Variants in FREM3 observed in about 807,000 individuals in gnomAD.
The protein encoded by FREM3 is FRAS1-related extracellular matrix protein 3.
FREM3 carries 105 observed loss-of-function variants against 129.1 expected under a neutral mutation model. That is an observed-to-expected ratio of 0.81 (90% confidence interval 0.69 to 0.96). FREM3 has a LOEUF of 0.96. Among genes scored for constraint, FREM3 ranks in the 40% least tolerant of loss-of-function variants. The probability of loss-of-function intolerance (pLI) is 0.00; values close to 1 mark genes in which losing one functional copy is unlikely to be tolerated. For synonymous variants in FREM3, 1,014 were observed against 1,044.9 expected, an observed-to-expected ratio of 0.97 and a Z score of 0.57; for missense variants, 2,593 against 2,666.3, an observed-to-expected ratio of 0.97 and a Z score of 0.61.
chr4:143,605,955 T>C (rs1738661420), intron 6 of FREM3, among the ~76,000 whole-genome samples: 1 of 152,200 alleles, frequency 6.6e-6, no homozygotes, highest in Admixed American at 6.5e-5. Flanking sequence ...CTTTTTTCCC[T>C]TGTGGCCATT....
intron 6 of FREM3, among the ~76,000 whole-genome samples, chr4:143,598,602 G>A (rs1738522097): frequency 6.6e-6 from 1 of 152,038 alleles, no homozygotes; most frequent in Admixed American, 6.5e-5. Flanking sequence ...CCAGTTGTAT[G>A]TCACTGTGCT....
intron 2 of FREM3, among the ~76,000 whole-genome samples, chr4:143,664,568 G>A (rs1004039234): frequency 4.6e-5 from 7 of 152,138 alleles, no homozygotes; most frequent in Non-Finnish European, 8.8e-5. Context: ...CAGTCTGCCC[G>A]TTCTCAGATC....
At chr4:143,640,668 C>T (rs946182723) in intron 2 of FREM3, among the ~76,000 whole-genome samples, 1 of 152,124 alleles carries the variant, frequency 6.6e-6, no homozygotes, top group Non-Finnish European at 1.5e-5. Flanking sequence ...AAAACTTCAT[C>T]TCAAAAGAAA....
chr4:143,585,710 T>C lies in FREM3; in HGVS notation c.6178+134A>G. On this transcript the variant is annotated intron_variant, in intron 7 of 7. Coordinates refer to ENST00000329798, the MANE Select transcript of FREM3 (RefSeq NM_001168235.2). The surrounding 1 kb of genome is among the most constrained non-coding windows in gnomAD (Gnocchi z 4.2). ...CAGAAGTCATTATGTATACAAACCA[T>C]CTACGTGCTGAAGCCAGAGAAACTT... The C allele has an allele frequency of 1.2e-6, 1 of 824,886 alleles. No individual in the cohort carries two copies. The highest frequency in any genetic ancestry group is 2.7e-5 in the East Asian group (1 of 36,934). 51.1% of individuals were successfully genotyped at this position (824,886 alleles called of 1,614,324 possible). A position where few individuals can be genotyped will look rare whatever the true frequency, so the allele number is the denominator to read the frequency against.
intron 2 of FREM3, among the ~76,000 whole-genome samples, chr4:143,661,197 T>A (rs1195541665): frequency 6.6e-6 from 1 of 152,198 alleles, no homozygotes; most frequent in African/African-American, 2.4e-5. Context: ...TTTTGCCCAT[T>A]CAGTATGATA....
At chr4:143,673,563 T>C (rs1740044658) in intron 2 of FREM3, among the ~76,000 whole-genome samples, 1 of 152,236 alleles carries the variant, frequency 6.6e-6, no homozygotes, top group Non-Finnish European at 1.5e-5. Flanking sequence ...GGAGGCAGTC[T>C]GTCCGTTCTC....
rs546266995 is a variant in FREM3 at position 143,660,559 on chromosome 4, C to T, written c.5275+32554G>A. ...TTCTTTTGGCTTAGGATTGACTTGG[C>T]GATGCGGGCTCTTTTTTGGTTCCAT... On this transcript the variant is annotated intron_variant, in intron 2 of 7. Coordinates refer to ENST00000329798, the MANE Select transcript of FREM3 (RefSeq NM_001168235.2). Among the ~76,000 whole-genome samples, 29 of 152,224 alleles carry T rather than the reference C, an allele frequency of 1.9e-4. No individual in the cohort carries two copies. In the East Asian group the frequency reaches 3.9e-3, roughly 20 times the overall value.
rs1740488132 is a variant in FREM3 at position 143,692,359 on chromosome 4, C to T, written c.5275+754G>A. 2.0e-5 allele frequency among the ~76,000 whole-genome samples: 3 copies of T among 152,128 alleles called. No homozygotes were observed. The South Asian group carries it at 6.2e-4, about 31-fold the overall frequency. The stretch of plus-strand genomic sequence containing the variant: ...TAAATTCAGTTCCTGACTGATTACA[C>T]ATGATTTAGGCAGAAAATGCAGGTT... On this transcript the variant is annotated intron_variant, in intron 2 of 7. Transcript: ENST00000329798.
chr4:143,688,690 G>A (rs1329946404), intron 2 of FREM3, among the ~76,000 whole-genome samples: 1 of 152,242 alleles, frequency 6.6e-6, no homozygotes, highest in South Asian at 2.1e-4. Flanking sequence ...TAGACCAATG[G>A]AACAGAACAG....
At chr4:143,614,045 T>C (rs920631043) in intron 5 of FREM3, among the ~76,000 whole-genome samples, 1 of 152,196 alleles carries the variant, frequency 6.6e-6, no homozygotes, top group African/African-American at 2.4e-5. Flanking sequence ...TTCAAGTAGG[T>C]TGATTTCTGG....
At position 143,699,535 on chromosome 4, in the gene FREM3, C is replaced by A; in HGVS notation, c.1141G>T (p.Glu381Ter). 6.5e-7 allele frequency: 1 copy of A among 1,537,192 alleles called. No homozygotes were observed. ...TAGGCAATCTTCAGCTCCCTCAGCT[C>A]CTGCTGGGTGAAGAAGGAGACTGGA... ...GLPVSFFTQQ[E>*]LRELKIAYQP... The change falls in exon 1 of 8, where the codon GAG (glutamate) becomes TAG (stop). Residue 381 changes from glutamate to a stop codon, truncating the protein, a stop_gained. Transcript: ENST00000329798. LOFTEE classifies it high-confidence loss of function. The surrounding 1 kb of genome is among the most constrained non-coding windows in gnomAD (Gnocchi z 4.2).
chr4:143,663,490 G>A (rs925755003), intron 2 of FREM3, among the ~76,000 whole-genome samples: 5 of 152,048 alleles, frequency 3.3e-5, no homozygotes, highest in Non-Finnish European at 4.4e-5. Flanking sequence ...TGGGTAACCC[G>A]ACCTTGCTCT....
In FREM3 at chr4:143,699,782, G is replaced by A. The variant is rs1462304106; in HGVS notation, c.894C>T (p.Gly298=). Residue 298 remains glycine (G), a synonymous_variant, in exon 1 of 8, where the codon GGC becomes GGT. Coordinates refer to ENST00000329798, the MANE Select transcript of FREM3 (RefSeq NM_001168235.2). This position sits in a 1 kb window ranked among gnomAD's most constrained non-coding sequence, Gnocchi z 4.2. ...GCCTGGGCGGTGTGTTCTCGGCTCC[G>A]CCGCGGATCCTCACGAGCAGCTGGA... The part of the protein sequence containing the change: ...EHFQLLVRIR[G]GAENTPPRPS... 5.2e-6 allele frequency: 8 copies of A among 1,534,880 alleles called. No individual in the cohort carries two copies. The highest frequency in any genetic ancestry group is 7.0e-6 in the Non-Finnish European group (8 of 1,145,962).
rs147002594 is a variant in FREM3 at position 143,641,671 on chromosome 4, G to A, written c.5276-13911C>T. Reference sequence around the variant, plus strand: ...TTATCAGGCTAAGAATACAAGCTGAGCTTTTCTTTTCAGGGGAAGCATTCC... The same window carrying A: ...TTATCAGGCTAAGAATACAAGCTGAACTTTTCTTTTCAGGGGAAGCATTCC... On this transcript the variant is annotated intron_variant, in intron 2 of 7. Transcript: ENST00000329798. 6.6e-3 allele frequency among the ~76,000 whole-genome samples: 1,003 copies of A among 152,270 alleles called. 10 individuals are homozygous for A. Among genetic ancestry groups the A allele is most frequent in the Admixed American group, 0.012 (187 of 15,286 alleles).
At chr4:143,663,904 C>T (rs1011452923) in intron 2 of FREM3, among the ~76,000 whole-genome samples, 11 of 152,118 alleles carry the variant, frequency 7.2e-5, no homozygotes, top group South Asian at 4.1e-4. Flanking sequence ...GCATTCTTCA[C>T]GTAGTTCTCG....
At chr4:143,676,590 G>A (rs1297030737) in intron 2 of FREM3, among the ~76,000 whole-genome samples, 98 of 152,276 alleles carry the variant, frequency 6.4e-4, no homozygotes, top group Admixed American at 6.3e-3. Context: ...TAGGAAGAGA[G>A]GAAGTCAAAT....
intron 2 of FREM3, among the ~76,000 whole-genome samples, chr4:143,630,562 G>A (rs764995704): frequency 2.6e-5 from 4 of 152,098 alleles, no homozygotes; most frequent in Non-Finnish European, 4.4e-5. Context: ...AAATATGAAA[G>A]CATCATCCTC....
rs1185597147 is a variant in FREM3 at position 143,700,055 on chromosome 4, C to T, written c.621G>A (p.Arg207=). Residue 207 remains arginine (R), a synonymous_variant, in exon 1 of 8, where the codon AGG becomes AGA. Coordinates refer to ENST00000329798, the MANE Select transcript of FREM3 (RefSeq NM_001168235.2). The part of the protein sequence containing the change: ...SLKSGATATR[R]CRLTPLPHED... ...CGTGAGGAAGTGGGGTAAGCCGGCA[C>T]CTGCGGGTGGCCGTGGCTCCAGACT... 2 of 1,522,432 alleles carry T rather than the reference C, an allele frequency of 1.3e-6. No homozygotes were observed. Among genetic ancestry groups the T allele is most frequent in the Admixed American group, 2.0e-5 (1 of 50,288 alleles). 94.3% of individuals were successfully genotyped at this position (1,522,432 alleles called of 1,614,324 possible).
At position 143,699,216 on chromosome 4, in the gene FREM3, G is replaced by A. The variant is rs1560878704; in HGVS notation, c.1460C>T (p.Pro487Leu). ...RHGQLVVFGAPAGCKYFTPAD... is the reference protein window; with the variant it reads ...RHGQLVVFGALAGCKYFTPAD... ...TGGTGTGAAATACTTGCACCCAGCA[G>A]GTGCCCCAAACACCACCAGCTGCCC... Residue 487 changes from proline (P) to leucine (L), a missense_variant, in exon 1 of 8, where the codon CCT becomes CTT. Around this residue, in one of 2 missense-constraint regions of FREM3, gnomAD observed 2,276 missense variants for 2,267.2 expected, o/e 1.00. Coordinates refer to ENST00000329798, the MANE Select transcript of FREM3 (RefSeq NM_001168235.2). The surrounding 1 kb of genome is among the most constrained non-coding windows in gnomAD (Gnocchi z 4.2). The A allele has an allele frequency of 1.3e-6, 2 of 1,537,170 alleles. No homozygotes were observed. The highest frequency in any genetic ancestry group is 1.7e-6 in the Non-Finnish European group (2 of 1,146,926).
Sources: allele counts gnomAD v4.1 joint callset (sites outside exome capture counted in the v4.1 genomes callset), GRCh38; gene constraint gnomAD v4.1.1; regional missense constraint gnomAD v4.1.1; non-coding constraint Gnocchi (gnomAD v3.1); transcripts MANE v1.5; gene names NCBI Gene and HGNC (gene_info 2026-07-23, HGNC 2026-07-21).